The following RAB27A variants were observed in gnomAD, a reference collection of about 807,000 sequenced individuals.
The protein encoded by RAB27A is RAB27A, member RAS oncogene family, also known as ras-related protein Rab-27A.
RAB27A carries 17 observed loss-of-function variants against 20.8 expected under a neutral mutation model. The ratio of observed to expected loss-of-function variants is 0.82; its 90% CI spans 0.56 to 1.23. RAB27A has a LOEUF of 1.23. RAB27A is among the 50% of genes most tolerant of loss of function. The pLI is 0.00. For missense variants in RAB27A, 277 were observed against 266.7 expected (o/e 1.04, Z -0.27); for synonymous variants, 85 against 92.8 (o/e 0.92, Z 0.48).
intron 2 of RAB27A, among the ~76,000 whole-genome samples, chr15:55,312,318 A>C (rs1489978658): frequency 2.0e-5 from 3 of 152,234 alleles, no homozygotes; most frequent in Non-Finnish European, 4.4e-5. Flanking sequence ...CAGAAGCAAG[A>C]CTTAATAGAG....
intron 1 of RAB27A, among the ~76,000 whole-genome samples, chr15:55,272,738 G>C (rs1897745697): frequency 6.6e-6 from 1 of 152,136 alleles, no homozygotes; most frequent in South Asian, 2.1e-4. Flanking sequence ...AAACTCACAA[G>C]GACAAAGATC....
At chr15:55,293,389 C>T (rs1346866060), upstream of RAB27A, among the ~76,000 whole-genome samples, 4 of 151,200 alleles carry the variant, frequency 2.6e-5, no homozygotes, top group East Asian at 7.7e-4. Flanking sequence ...AATAAAAAAT[C>T]TATTAGTGCT....
intron 6 of RAB27A, among the ~76,000 whole-genome samples, chr15:55,221,491 G>C (rs886439189): frequency 2.6e-5 from 4 of 152,078 alleles, no homozygotes; most frequent in African/African-American, 9.7e-5. Context: ...GGACATTTCA[G>C]ACTGGCCGGT....
chr15:55,306,114 G>A (rs1031074520), intron 2 of RAB27A, among the ~76,000 whole-genome samples: 1 of 152,302 alleles, frequency 6.6e-6, no homozygotes, highest in South Asian at 2.1e-4. Context: ...CTATTCGTGG[G>A]GGGGAGTTAC....
intron 2 of RAB27A, among the ~76,000 whole-genome samples, chr15:55,310,658 TA>T (rs1216413589): frequency 6.6e-6 from 1 of 151,744 alleles, no homozygotes; most frequent in Non-Finnish European, 1.5e-5. Context: ...GGCCTTTTTT[TA>T]AATCCCATTT....
intron 2 of RAB27A, among the ~76,000 whole-genome samples, chr15:55,262,898 G>T (rs1413997892): frequency 6.6e-6 from 1 of 152,096 alleles, no homozygotes; most frequent in Non-Finnish European, 1.5e-5. Context: ...TGTTAAGAAT[G>T]ACATTTGCTG....
intron 2 of RAB27A, among the ~76,000 whole-genome samples, chr15:55,311,672 A>C (rs776820565): frequency 1.3e-5 from 2 of 152,144 alleles, no homozygotes; most frequent in African/African-American, 2.4e-5. Flanking sequence ...CTAGTGTTAT[A>C]ATTTATACTT....
rs55957229 is a variant in RAB27A, at chr15:55,264,224, T to A, written c.-23+5941A>T. ...CACCACCACATCCGGTTAATTTTTC[T>A]ATTTTTAGTATAGACAGGGTTTCGC... On this transcript the variant is annotated intron_variant, in intron 2 of 6. Coordinates refer to ENST00000336787, the MANE Select transcript of RAB27A (RefSeq NM_183235.3). Among the ~76,000 whole-genome samples the A allele has an allele frequency of 2.9e-4, 44 of 151,924 alleles. 1 individual carries two copies. In the South Asian group the frequency reaches 7.9e-3, roughly 27 times the overall value.
At chr15:55,235,500 T>C (rs576753935) in intron 2 of RAB27A, among the ~76,000 whole-genome samples, 3 of 151,844 alleles carry the variant, frequency 2.0e-5, no homozygotes, top group Non-Finnish European at 4.4e-5. Flanking sequence ...ATACATATTA[T>C]AGTACCATTA....
At chr15:55,269,536 C>G (rs1217062878) in intron 2 of RAB27A, among the ~76,000 whole-genome samples, 3 of 152,120 alleles carry the variant, frequency 2.0e-5, no homozygotes, top group Non-Finnish European at 2.9e-5. Context: ...CACTTGAGGT[C>G]AGGAGTTAGA....
chr15:55,306,369 G>T (rs549454666), intron 2 of RAB27A, among the ~76,000 whole-genome samples: 1 of 152,334 alleles, frequency 6.6e-6, no homozygotes, highest in South Asian at 2.1e-4. Flanking sequence ...AACCCAGTGA[G>T]GGTGGTATTA....
chr15:55,209,211 C>G (rs1595666643), intron 6 of RAB27A, among the ~76,000 whole-genome samples: 1 of 152,264 alleles, frequency 6.6e-6, no homozygotes, highest in South Asian at 2.1e-4. Flanking sequence ...AGTCACCCTA[C>G]TGATCCTTCT....
At chr15:55,246,553 G>T (rs191947140) in intron 2 of RAB27A, among the ~76,000 whole-genome samples, 1 of 151,454 alleles carries the variant, frequency 6.6e-6, no homozygotes, top group Non-Finnish European at 1.5e-5. Flanking sequence ...AAAACACTGG[G>T]TCTTATAGTA....
At chr15:55,304,022 G>A (rs896300183) in intron 2 of RAB27A, among the ~76,000 whole-genome samples, 1 of 151,806 alleles carries the variant, frequency 6.6e-6, no homozygotes, top group Non-Finnish European at 1.5e-5. Context: ...GAATAGAAAG[G>A]CGGGAAAGGT....
chr15:55,299,710 G>A (rs899021452), intron 2 of RAB27A, among the ~76,000 whole-genome samples: 1 of 151,994 alleles, frequency 6.6e-6, no homozygotes, highest in African/African-American at 2.4e-5. Flanking sequence ...TTAGTTCTGG[G>A]ACCAGAAAAA....
rs530502707 is a variant in RAB27A at position 55,301,904 on chromosome 15, C to A, written c.-112+12135G>T. Among the ~76,000 whole-genome samples, 12 of 152,088 alleles carry A rather than the reference C, an allele frequency of 7.9e-5. 1 individual carries two copies. In the South Asian group the frequency reaches 2.5e-3, roughly 32 times the overall value. ...CATGTGATCCACCCACCTCTGCCTC[C>A]CAAAGCATTGGGATTATAGACATGA... On this transcript the variant is annotated intron_variant, in intron 2 of 5. Transcript: ENST00000563262.
chr15:55,261,361 C>A (rs1325160090), intron 2 of RAB27A, among the ~76,000 whole-genome samples: 8 of 151,738 alleles, frequency 5.3e-5, no homozygotes, highest in Non-Finnish European at 1.2e-4. Context: ...CGTGCCACTG[C>A]ACTCCAGCCT....
intron 1 of RAB27A, among the ~76,000 whole-genome samples, chr15:55,278,091 G>A (rs1295217135): frequency 1.3e-5 from 2 of 152,170 alleles, no homozygotes; most frequent in African/African-American, 4.8e-5. Flanking sequence ...GAAAAAGAAA[G>A]TATTCTTAGA....
intron 2 of RAB27A, among the ~76,000 whole-genome samples, chr15:55,258,192 A>G (rs1318813482): frequency 6.6e-6 from 1 of 152,100 alleles, no homozygotes; most frequent in Non-Finnish European, 1.5e-5. Context: ...AGAGGTTAGA[A>G]CCCTTCTCTT....
Sources: allele counts gnomAD v4.1 joint callset (sites outside exome capture counted in the v4.1 genomes callset), GRCh38; gene constraint gnomAD v4.1.1; transcripts MANE v1.5; gene names NCBI Gene and HGNC (gene_info 2026-07-23, HGNC 2026-07-21).